CHRNA7: variants seen among roughly 807,000 people sequenced by gnomAD.
CHRNA7 encodes the protein neuronal acetylcholine receptor subunit alpha-7.
CHRNA7 carries 17 observed loss-of-function variants against 48.0 expected under a neutral mutation model. That is an observed-to-expected ratio of 0.35 (90% confidence interval 0.24 to 0.53). The LOEUF is 0.53. Ranked by LOEUF, CHRNA7 falls within the 20% of genes least tolerant of loss-of-function variation. CHRNA7 has a pLI of 0.92. For missense variants in CHRNA7, 155 were observed against 577.7 expected, an observed-to-expected ratio of 0.27 and a Z score of 7.50; for synonymous variants, 75 against 242.3, an observed-to-expected ratio of 0.31 and a Z score of 6.41.
intron 2 of CHRNA7, among the ~76,000 whole-genome samples, chr15:32,093,086 A>T (rs773587017): frequency 6.6e-6 from 1 of 152,220 alleles, no homozygotes; most frequent in African/African-American, 2.4e-5. Context: ...GATGGCTTAA[A>T]CTTAAAGGGA....
intron 2 of CHRNA7, among the ~76,000 whole-genome samples, chr15:32,097,949 G>C (rs1457816729): frequency 6.6e-6 from 1 of 152,218 alleles, no homozygotes; most frequent in Non-Finnish European, 1.5e-5. Context: ...TTCCCTCCTG[G>C]GGTGAGGAAC....
In CHRNA7 at chr15:32,101,573, T is replaced by C. The variant is rs1213249967; in HGVS notation, c.240+226T>C. On this transcript the variant is annotated intron_variant, in intron 3 of 9. Coordinates refer to ENST00000306901, the MANE Select transcript of CHRNA7 (RefSeq NM_000746.6). ...TCAACACATGCACAAGATCAACACA[T>C]AGGACAAGGTAATGTGGGGACACTT... is the stretch of plus-strand genomic sequence containing the variant. The C allele has an allele frequency of 7.7e-6, 4 of 518,580 alleles. No homozygotes were observed. The African/African-American group carries it at 7.9e-5, about 10-fold the overall frequency. The allele number at this position is 518,580 out of a possible 1,614,324, so 32.1% of individuals were successfully genotyped here. A position where few individuals can be genotyped will look rare whatever the true frequency, so the allele number is the denominator to read the frequency against.
At position 32,149,010 on chromosome 15, in the gene CHRNA7, C is replaced by T. The variant is rs556293930; in HGVS notation, c.351-4897C>T. Among the ~76,000 whole-genome samples the T allele has an allele frequency of 1.2e-3, 189 of 152,272 alleles. No homozygotes were observed. Among genetic ancestry groups the T allele is most frequent in the Non-Finnish European group, 2.0e-3 (134 of 68,022 alleles). On this transcript the variant is annotated intron_variant, in intron 4 of 9. Transcript: ENST00000306901. This position sits in a 1 kb window ranked among gnomAD's most constrained non-coding sequence, Gnocchi z 4.6. The stretch of plus-strand genomic sequence containing the variant: ...TTACATTTGCCCCAGTCACCCCCTC[C>T]GTGGTGAGGGTAGGGCTCAGAGCTC...
chr15:32,077,330 A>G (rs1268688283), intron 2 of CHRNA7, among the ~76,000 whole-genome samples: 1 of 152,178 alleles, frequency 6.6e-6, no homozygotes, highest in Non-Finnish European at 1.5e-5. Context: ...CAATTGCTGG[A>G]TTAAATGGTA....
chr15:32,097,055 G>A (rs1013965918), intron 2 of CHRNA7, among the ~76,000 whole-genome samples: 1 of 152,092 alleles, frequency 6.6e-6, no homozygotes, highest in African/African-American at 2.4e-5. Flanking sequence ...GAGTGACATC[G>A]CACAGATTGC....
At chr15:32,142,974 T>C (rs540871792) in intron 4 of CHRNA7, among the ~76,000 whole-genome samples, 35 of 152,310 alleles carry the variant, frequency 2.3e-4, no homozygotes, top group African/African-American at 7.2e-4. Flanking sequence ...TTGAATTTAT[T>C]TGCTTTTGCT....
chr15:32,128,209 C>CT (rs2051100791), intron 4 of CHRNA7, among the ~76,000 whole-genome samples: 1 of 152,070 alleles, frequency 6.6e-6, no homozygotes, highest in African/African-American at 2.4e-5. Flanking sequence ...TATAGTAACG[C>CT]TTAACATTGA....
intron 4 of CHRNA7, among the ~76,000 whole-genome samples, chr15:32,137,031 C>CAAA (rs775166263): frequency 0.088 from 5,560 of 63,186 alleles, 937 homozygotes; most frequent in East Asian, 0.25. Context: ...GACTCCGTCT[C>CAAA]AAAAAAAAAA....
rs2102671 is a variant in CHRNA7 at position 32,037,716 on chromosome 15, G to A, written c.195+6679G>A. Among the ~76,000 whole-genome samples the A allele has an allele frequency of 5.7e-3, 866 of 152,060 alleles. 10 individuals carry two copies. The highest frequency in any genetic ancestry group is 0.017 in the South Asian group (82 of 4,816). The stretch of plus-strand genomic sequence containing the variant: ...TGTCAAATTCTACTTGTTAATTGCC[G>A]AAATATAGGAAAGCGATTTACTTTT... On this transcript the variant is annotated intron_variant, in intron 2 of 9. Transcript: ENST00000306901.
chr15:32,046,288 G>T (rs1342011706), intron 2 of CHRNA7, among the ~76,000 whole-genome samples: 2 of 149,014 alleles, frequency 1.3e-5, no homozygotes, highest in African/African-American at 2.5e-5. Flanking sequence ...CCCACCAGCA[G>T]TGTAAAAGTG....
intron 2 of CHRNA7, among the ~76,000 whole-genome samples, chr15:32,089,422 C>A (rs1399413254): frequency 6.6e-6 from 1 of 152,034 alleles, no homozygotes; most frequent in African/African-American, 2.4e-5. Context: ...CAAACGCTTT[C>A]TTTCTTTTTT....
At position 32,030,548 on chromosome 15, in the gene CHRNA7, A is replaced by C; in HGVS notation, c.-47A>C. The C allele has an allele frequency of 7.0e-7, 1 of 1,426,270 alleles. No homozygotes were observed. The highest frequency in any genetic ancestry group is 3.1e-5 in the East Asian group (1 of 32,734). The allele number at this position is 1,426,270 out of a possible 1,614,324, so 88.4% of individuals were successfully genotyped here. A position where few individuals can be genotyped will look rare whatever the true frequency, so the allele number is the denominator to read the frequency against. On this transcript the variant is annotated 5_prime_UTR_variant, in exon 1 of 10. Coordinates refer to ENST00000306901, the MANE Select transcript of CHRNA7 (RefSeq NM_000746.6). ...GGCCGCAGGCGCAGGCCCGGGCGAC[A>C]GCCGAGACGTGGAGCGCGCCGGCTC...
At position 32,072,311 on chromosome 15, in the gene CHRNA7, G is replaced by A. The variant is rs149007643; in HGVS notation, c.196-28992G>A. 3.5e-3 allele frequency among the ~76,000 whole-genome samples: 540 copies of A among 152,316 alleles called. 3 individuals are homozygous for A. The highest frequency in any genetic ancestry group is 0.012 in the African/African-American group (506 of 41,570). On this transcript the variant is annotated intron_variant, in intron 2 of 9. Transcript: ENST00000306901. The stretch of plus-strand genomic sequence containing the variant: ...ACATGGCTGCTTCTAACAGCCTACT[G>A]TCAGATGCAGGAGCGAAGAAATGAC...
intron 4 of CHRNA7, among the ~76,000 whole-genome samples, chr15:32,114,031 TATATATATATA>T (rs2050811465): frequency 1.1e-5 from 1 of 93,542 alleles, no homozygotes; most frequent in African/African-American, 4.3e-5. Context: ...TATATATATA[TATATATATATA>T]TGTATATATA....
At chr15:32,150,829 A>G (rs1226283163) in intron 4 of CHRNA7, among the ~76,000 whole-genome samples, 2 of 152,148 alleles carry the variant, frequency 1.3e-5, no homozygotes, top group African/African-American at 4.8e-5. Context: ...TTTTGTGCCC[A>G]ATCACCATTT....
At chr15:32,055,307 C>A (rs2049767888) in intron 2 of CHRNA7, among the ~76,000 whole-genome samples, 1 of 151,048 alleles carries the variant, frequency 6.6e-6, no homozygotes, top group Non-Finnish European at 1.5e-5. Flanking sequence ...AGATATAAAC[C>A]CGTAGTCATT....
At chr15:32,131,707 T>G (rs1185634194) in intron 4 of CHRNA7, among the ~76,000 whole-genome samples, 1 of 152,194 alleles carries the variant, frequency 6.6e-6, no homozygotes, top group Non-Finnish European at 1.5e-5. Context: ...AAAGTTGAGG[T>G]TTTTTTCTTG....
At chr15:32,102,361 G>A (rs1336923547) in intron 3 of CHRNA7, 1 of 152,168 alleles carries the variant, frequency 6.6e-6, no homozygotes, top group Non-Finnish European at 1.5e-5. Flanking sequence ...GGCCAGGCTG[G>A]TCTTGAACTC....
intron 2 of CHRNA7, among the ~76,000 whole-genome samples, chr15:32,043,330 CT>C (rs753706171): frequency 2.8e-4 from 42 of 152,162 alleles, no homozygotes; most frequent in Non-Finnish European, 4.7e-4. Context: ...ATTTGATAAT[CT>C]TTGTATTTTA....
Sources: allele counts gnomAD v4.1 joint callset (sites outside exome capture counted in the v4.1 genomes callset), GRCh38; gene constraint gnomAD v4.1.1; non-coding constraint Gnocchi (gnomAD v3.1); transcripts MANE v1.5; gene names NCBI Gene and HGNC (gene_info 2026-07-23, HGNC 2026-07-21).